The following DLC1 variants were observed in gnomAD, a reference collection of about 807,000 sequenced individuals.
DLC1 encodes the protein DLC1 Rho GTPase activating protein, also known as rho GTPase-activating protein 7.
Under a neutral mutation model 140.3 loss-of-function variants are expected in DLC1, and 54 were observed. That is an observed-to-expected ratio of 0.38 (90% CI 0.31 to 0.48). DLC1 has a LOEUF of 0.48. Ranked by LOEUF, DLC1 falls within the 20% of genes least tolerant of loss-of-function variation. DLC1 has a pLI of 0.96. For missense variants in DLC1, 2,536 were observed against 1,907.0 expected (o/e 1.33, Z -6.14); for synonymous variants, 986 against 728.1 (o/e 1.35, Z -5.70).
At chr8:13,431,626 C>T (rs2117395209) in intron 2 of DLC1, among the ~76,000 whole-genome samples, 1 of 150,768 alleles carries the variant, frequency 6.6e-6, no homozygotes, top group East Asian at 2.0e-4. Context: ...ATATGGCTAC[C>T]TGAAATTCAA....
intron 2 of DLC1, among the ~76,000 whole-genome samples, chr8:13,413,430 C>T (rs915635932): frequency 6.6e-6 from 1 of 151,786 alleles, no homozygotes; most frequent in Non-Finnish European, 1.5e-5. Flanking sequence ...CTCCTACACA[C>T]ACACATACAC....
intron 2 of DLC1, among the ~76,000 whole-genome samples, chr8:13,449,897 C>T (rs1798962274): frequency 6.6e-6 from 1 of 151,882 alleles, no homozygotes; most frequent in South Asian, 2.1e-4. Context: ...AAATCTGTAT[C>T]AAGAACACAG....
At chr8:13,224,415 G>A (rs958032063) in intron 5 of DLC1, among the ~76,000 whole-genome samples, 7 of 152,202 alleles carry the variant, frequency 4.6e-5, no homozygotes, top group African/African-American at 1.7e-4. Flanking sequence ...GTTTATTAAG[G>A]GCTTGAGAAT....
intron 4 of DLC1, among the ~76,000 whole-genome samples, chr8:13,333,466 C>G (rs1833689210): frequency 6.6e-6 from 1 of 152,036 alleles, no homozygotes; most frequent in African/African-American, 2.4e-5. Flanking sequence ...CCTGGTTGGC[C>G]TTGAACTCCT....
intron 2 of DLC1, among the ~76,000 whole-genome samples, chr8:13,436,774 A>G (rs1431929246): frequency 1.3e-5 from 2 of 152,320 alleles, no homozygotes; most frequent in African/African-American, 4.8e-5. Flanking sequence ...TATTTCCAAA[A>G]TGCATAGAAT....
At chr8:13,549,879 GTT>G (rs1240503397) in intron 1 of DLC1, among the ~76,000 whole-genome samples, 2 of 152,116 alleles carry the variant, frequency 1.3e-5, no homozygotes, top group Non-Finnish European at 2.9e-5. Context: ...CCTTTCCACT[GTT>G]TTCAAAAGTG....
At chr8:13,345,638 C>G (rs1017380750) in intron 4 of DLC1, among the ~76,000 whole-genome samples, 2 of 134,426 alleles carry the variant, frequency 1.5e-5, no homozygotes, top group African/African-American at 5.6e-5. Flanking sequence ...ACTGCAACCT[C>G]TGTCTGCCTC....
At chr8:13,568,632 C>T (rs1429639814) in intron 1 of DLC1, among the ~76,000 whole-genome samples, 1 of 151,898 alleles carries the variant, frequency 6.6e-6, no homozygotes, top group Non-Finnish European at 1.5e-5. Flanking sequence ...TGAGAAATGC[C>T]AATTAATGGC....
At chr8:13,133,224 G>T in intron 5 of DLC1, 1 of 1,415,922 alleles carries the variant, frequency 7.1e-7, no homozygotes, top group Non-Finnish European at 9.2e-7. Flanking sequence ...CGCTCCTGAT[G>T]CGGAGAGGTG....
intron 5 of DLC1, among the ~76,000 whole-genome samples, chr8:13,120,356 A>AAAAAAAAAAAAATATATATATATATATAT: frequency 3.3e-5 from 2 of 61,122 alleles, no homozygotes; most frequent in Admixed American, 2.7e-4. Flanking sequence ...AAAAAAAAAA[A>AAAAAAAAAAAAATATATATATATATATAT]ATATATATAT....
chr8:13,193,937 G>A (rs1195976023), intron 5 of DLC1, among the ~76,000 whole-genome samples: 2 of 152,176 alleles, frequency 1.3e-5, no homozygotes, highest in Non-Finnish European at 2.9e-5. Context: ...CCACATGCAT[G>A]CTTGATAGAG....
chr8:13,226,922 T>C (rs113561035), intron 5 of DLC1, among the ~76,000 whole-genome samples: 3,171 of 152,216 alleles, frequency 0.021, 128 homozygotes, highest in African/African-American at 0.071. Flanking sequence ...GTTTTGGGTA[T>C]AGACTATGCT....
intron 5 of DLC1, among the ~76,000 whole-genome samples, chr8:13,275,471 CAGACTT>C (rs1479390427): frequency 1.3e-5 from 2 of 152,174 alleles, no homozygotes; most frequent in Non-Finnish European, 2.9e-5. Context: ...CATAGGAACA[CAGACTT>C]AGAGAGCAAA....
intron 1 of DLC1, among the ~76,000 whole-genome samples, chr8:13,555,279 C>G (rs1804002427): frequency 6.6e-6 from 1 of 152,044 alleles, no homozygotes; most frequent in East Asian, 1.9e-4. Context: ...TGCTTGTTAT[C>G]TGCTGACACA....
intron 2 of DLC1, among the ~76,000 whole-genome samples, chr8:13,440,391 T>C (rs1024463969): frequency 1.3e-5 from 2 of 152,208 alleles, no homozygotes; most frequent in East Asian, 1.9e-4. Context: ...CAAACATAAA[T>C]AGACATAGAG....
intron 4 of DLC1, among the ~76,000 whole-genome samples, chr8:13,358,094 C>G (rs1212946716): frequency 6.6e-6 from 1 of 152,114 alleles, no homozygotes; most frequent in East Asian, 1.9e-4. Context: ...AGTTGAAAGG[C>G]TAATCCTGCT....
chr8:13,456,058 T>C (rs1445732459), intron 2 of DLC1, among the ~76,000 whole-genome samples: 2 of 152,220 alleles, frequency 1.3e-5, no homozygotes, highest in Non-Finnish European at 2.9e-5. Context: ...TAAAAAGCTT[T>C]GTGTCAAAGG....
chr8:13,233,814 C>A (rs574420191), intron 5 of DLC1, among the ~76,000 whole-genome samples: 152 of 152,258 alleles, frequency 1.0e-3, no homozygotes, highest in Non-Finnish European at 1.9e-3. Flanking sequence ...TAAATAAATA[C>A]AACCTTCATG....
intron 2 of DLC1, among the ~76,000 whole-genome samples, chr8:13,446,936 C>A (rs1224020565): frequency 6.8e-6 from 1 of 147,492 alleles, no homozygotes; most frequent in Non-Finnish European, 1.5e-5. Flanking sequence ...AAGTGAAACT[C>A]CATCTCAAAA....
Sources: gnomAD v4.1 joint callset for allele counts (sites outside exome capture counted in the v4.1 genomes callset) on GRCh38, gnomAD v4.1.1 for gene constraint, MANE v1.5 for transcripts, NCBI Gene and HGNC (gene_info 2026-07-23, HGNC 2026-07-21) for gene names.